The following SLC4A5 variants were observed in gnomAD, a reference collection of about 807,000 sequenced individuals.
SLC4A5 encodes electrogenic sodium bicarbonate cotransporter 4.
SLC4A5 carries 96 observed loss-of-function variants against 120.4 expected under a neutral mutation model. The ratio of observed to expected loss-of-function variants is 0.80; its 90% confidence interval spans 0.68 to 0.94. The LOEUF (loss-of-function observed/expected upper bound fraction) is 0.94, where lower values mean the gene tolerates loss of function less well. Ranked by LOEUF, SLC4A5 falls within the 40% of genes least tolerant of loss-of-function variation. The probability of loss-of-function intolerance (pLI) is 0.00; values close to 1 mark genes in which losing one functional copy is unlikely to be tolerated. For synonymous variants in SLC4A5, 550 were observed against 571.1 expected, an observed-to-expected ratio of 0.96 and a Z score of 0.53; for missense variants, 1,259 against 1,459.5, an observed-to-expected ratio of 0.86 and a Z score of 2.24.
chr2:74,291,612 G>T (rs531964357), intron 7 of SLC4A5, among the ~76,000 whole-genome samples: 38 of 152,350 alleles, frequency 2.5e-4, no homozygotes, highest in African/African-American at 8.7e-4. Flanking sequence ...CATACCTGAG[G>T]CTCGAGGATC....
rs532969484 is a variant in SLC4A5 at position 74,284,238 on chromosome 2, G to A, written c.401+1535C>T. Among the ~76,000 whole-genome samples the A allele has an allele frequency of 7.9e-5, 9 of 114,624 alleles. No individual in the cohort carries two copies. The South Asian group carries it at 1.6e-3, about 20-fold the overall frequency. 75.2% of individuals were successfully genotyped at this position (114,624 alleles called of 152,430 possible). A position where few individuals can be genotyped will look rare whatever the true frequency, so the allele number is the denominator to read the frequency against. ...AGGTCGGACTGCGGACTGCAGTGGC[G>A]CAATCTCGGCTCACTGCAAGCTCCG... is the stretch of plus-strand genomic sequence containing the variant. On this transcript the variant is annotated intron_variant, in intron 8 of 30. Coordinates refer to ENST00000394019, the Ensembl canonical transcript of SLC4A5.
At chr2:74,337,971 A>G (rs986737008) in intron 3 of SLC4A5, among the ~76,000 whole-genome samples, 76 of 152,304 alleles carry the variant, frequency 5.0e-4, no homozygotes, top group African/African-American at 1.7e-3. Flanking sequence ...GTGTGGCTGG[A>G]GCCCAGTGGC....
At chr2:74,338,701 C>A (rs572024322) in intron 3 of SLC4A5, among the ~76,000 whole-genome samples, 154 bp downstream of exon 3, 123 of 152,262 alleles carry the variant, frequency 8.1e-4, no homozygotes, top group Middle Eastern at 6.8e-3. Context: ...GTAGTCCCAG[C>A]TACTTGGGAA....
chr2:74,311,437 G>A (rs1672802768), intron 6 of SLC4A5, among the ~76,000 whole-genome samples: 1 of 152,036 alleles, frequency 6.6e-6, no homozygotes, highest in Admixed American at 6.6e-5. Context: ...TGCATTTAAT[G>A]TTATTCATTT....
chr2:74,335,891 T>C (rs1005607530), intron 3 of SLC4A5, among the ~76,000 whole-genome samples: 1 of 152,170 alleles, frequency 6.6e-6, no homozygotes, highest in Admixed American at 6.5e-5. Flanking sequence ...CAGACATTTA[T>C]ATATATTTTA....
chr2:74,281,620 A>G (rs1368186318), intron 8 of SLC4A5, among the ~76,000 whole-genome samples: 2 of 152,142 alleles, frequency 1.3e-5, no homozygotes, highest in African/African-American at 4.8e-5. Context: ...CGCTGCACAC[A>G]CAGTCCCCAT....
At chr2:74,292,585 T>G (rs1160205717) in intron 7 of SLC4A5, among the ~76,000 whole-genome samples, 2 of 152,294 alleles carry the variant, frequency 1.3e-5, no homozygotes, top group Non-Finnish European at 2.9e-5. Context: ...GAATGGATTC[T>G]AACAGCAGTT....
At chr2:74,252,335 C>T (rs1670819798) in exon 16 of SLC4A5, 1 of 1,613,598 alleles carries the variant, frequency 6.2e-7, no homozygotes, top group African/African-American at 1.3e-5. Flanking sequence ...TCCGCCGCCT[C>T]CTCCCACAGA....
chr2:74,222,468 G>A (rs1694685058), intron 29 of SLC4A5, among the ~76,000 whole-genome samples: 2 of 152,188 alleles, frequency 1.3e-5, no homozygotes. Context: ...TCAGCTCCCA[G>A]GCCATGGAAC....
intron 5 of SLC4A5, chr2:74,319,365 A>G (rs1353992178): frequency 1.3e-5 from 2 of 152,206 alleles, no homozygotes; most frequent in African/African-American, 4.8e-5. Flanking sequence ...ATATATTTTA[A>G]AACATTTAGG....
intron 12 of SLC4A5, among the ~76,000 whole-genome samples, chr2:74,258,068 A>C (rs1671024987): frequency 6.6e-6 from 1 of 151,806 alleles, no homozygotes. Flanking sequence ...GGCCCTGCTG[A>C]CTCCACTTCC....
intron 5 of SLC4A5, among the ~76,000 whole-genome samples, chr2:74,321,248 A>G (rs1220564423): frequency 6.6e-6 from 1 of 152,132 alleles, no homozygotes; most frequent in Non-Finnish European, 1.5e-5. Flanking sequence ...TGCTCCAGCC[A>G]CAGTAGCACT....
chr2:74,255,740 A>T lies in SLC4A5; in HGVS notation c.1025+35T>A. The stretch of plus-strand genomic sequence containing the variant: ...GACTGCACTGCTGACTGGCTACCTG[A>T]GAGTGGCGTGGGGACAGGTTTCAAT... On this transcript the variant is annotated intron_variant, in intron 13 of 30. Coordinates refer to ENST00000394019, the Ensembl canonical transcript of SLC4A5. The surrounding 1 kb of genome is among the most constrained non-coding windows in gnomAD (Gnocchi z 4.0). 1 of 1,611,076 alleles carries T rather than the reference A, an allele frequency of 6.2e-7. No individual in the cohort carries two copies. Among genetic ancestry groups the T allele is most frequent in the Admixed American group, 1.7e-5 (1 of 59,958 alleles).
chr2:74,316,358 A>T (rs1672965936), intron 5 of SLC4A5, among the ~76,000 whole-genome samples: 1 of 149,936 alleles, frequency 6.7e-6, no homozygotes, highest in African/African-American at 2.5e-5. Flanking sequence ...AGAGTTGTAA[A>T]CTAAAAATAA....
At chr2:74,227,407 C>A in intron 26 of SLC4A5, 1 of 1,454,392 alleles carries the variant, frequency 6.9e-7, no homozygotes, top group Non-Finnish European at 9.3e-7. Flanking sequence ...AATTGTAACA[C>A]AAACTGTTTA....
At chr2:74,246,103 G>GA (rs2103968542) in intron 19 of SLC4A5, among the ~76,000 whole-genome samples, 1 of 152,310 alleles carries the variant, frequency 6.6e-6, no homozygotes, top group Non-Finnish European at 1.5e-5. Context: ...AAAGCTCTTA[G>GA]GGGCATGATC....
chr2:74,318,841 T>G (rs529973636), intron 5 of SLC4A5, among the ~76,000 whole-genome samples: 1 of 152,154 alleles, frequency 6.6e-6, no homozygotes, highest in South Asian at 2.1e-4. Context: ...GATTCAGCAA[T>G]CCCACTGCTG....
At chr2:74,265,291 G>A in intron 8 of SLC4A5, 27 bp from the exon 9 acceptor site, 1 of 1,609,262 alleles carries the variant, frequency 6.2e-7, no homozygotes. Context: ...GGGGCTCAGT[G>A]TGGCCAGGGC....
chr2:74,301,521 T>C (rs1449707454), intron 7 of SLC4A5, among the ~76,000 whole-genome samples: 1 of 152,162 alleles, frequency 6.6e-6, no homozygotes, highest in Admixed American at 6.5e-5. Context: ...TCTGGATGGA[T>C]TTACAGAACA....
Sources: allele counts gnomAD v4.1 joint callset (sites outside exome capture counted in the v4.1 genomes callset), GRCh38; gene constraint gnomAD v4.1.1; non-coding constraint Gnocchi (gnomAD v3.1); transcripts MANE v1.5; gene names NCBI Gene and HGNC (gene_info 2026-07-23, HGNC 2026-07-21).